TP53BP1: variants seen among roughly 807,000 people sequenced by gnomAD.
TP53BP1 encodes the protein tumor protein p53 binding protein 1.
In TP53BP1, 61 loss-of-function variants were observed where a neutral mutation model predicts 200.8. The ratio of observed to expected loss-of-function variants is 0.30; its 90% CI spans 0.25 to 0.38. The LOEUF is 0.38. Ranked by LOEUF, TP53BP1 falls within the 10% of genes least tolerant of loss-of-function variation. The pLI, the probability that TP53BP1 is intolerant of heterozygous loss-of-function variation, is 1.00. For synonymous variants in TP53BP1, 822 were observed against 844.3 expected, an observed-to-expected ratio of 0.97 and a Z score of 0.46; for missense variants, 2,144 against 2,371.9, an observed-to-expected ratio of 0.90 and a Z score of 2.00.
chr15:43,414,093 G>A, intron 23 of TP53BP1: 2 of 470,154 alleles, frequency 4.3e-6, no homozygotes, highest in South Asian at 3.1e-5. Context: ...AGGCTAAGAT[G>A]ACAGACAGGT....
chr15:43,405,163 A>G lies in TP53BP1; in HGVS notation c.*2220T>C. 6.2e-7 allele frequency: 1 copy of G among 1,613,238 alleles called. No homozygotes were observed. The highest frequency in any genetic ancestry group is 8.5e-7 in the Non-Finnish European group (1 of 1,179,372). Reference sequence around the variant, plus strand: ...TATTTCTTTGAAGGTAGTCTTGGGAAAGCATGACACTTAATAAGGCTCTTT... The same window carrying G: ...TATTTCTTTGAAGGTAGTCTTGGGAGAGCATGACACTTAATAAGGCTCTTT... On this transcript the variant is annotated 3_prime_UTR_variant, in exon 28 of 28. Transcript: ENST00000382044.
At chr15:43,426,429 G>C (rs1434485837) in intron 18 of TP53BP1, among the ~76,000 whole-genome samples, 1 of 113,958 alleles carries the variant, frequency 8.8e-6, no homozygotes. Flanking sequence ...AACAGAGTGA[G>C]ACTCTGTGTC....
intron 14 of TP53BP1, among the ~76,000 whole-genome samples, chr15:43,443,475 T>G (rs1302406762): frequency 6.6e-6 from 1 of 152,140 alleles, no homozygotes; most frequent in Non-Finnish European, 1.5e-5. Flanking sequence ...GAGGATCGCT[T>G]GAGCCCAGGA....
At chr15:43,494,894 C>T (rs1246907676), upstream of TP53BP1, among the ~76,000 whole-genome samples, 1 of 152,126 alleles carries the variant, frequency 6.6e-6, no homozygotes, top group Non-Finnish European at 1.5e-5. Context: ...GTGTGTTTGT[C>T]GAAACATAAA....
Position 43,432,334 on chromosome 15 carries a change from T to A in TP53BP1, c.3535A>T (p.Ile1179Leu), listed in dbSNP as rs3803339. Reference sequence around the variant, plus strand: ...GTCCCCTGCTCACACACATTCTTTATAGTCTGGGTTGCTGCTGAAACAGTT... The same window carrying A: ...GTCCCCTGCTCACACACATTCTTTAAAGTCTGGGTTGCTGCTGAAACAGTT... ...PETVSAATQT[I>L]KNVCEQGTST... is the part of the protein sequence containing the mutation. The change falls in exon 17 of 28, where the codon ATA (isoleucine) becomes TTA (leucine). Residue 1179 changes from isoleucine (I) to leucine (L), a missense_variant. Physicochemically the swap from Ile to Leu is conservative, Grantham distance 5 (BLOSUM62 2). Transcript: ENST00000382044. 16 of 1,614,062 alleles carry A rather than the reference T, an allele frequency of 9.9e-6. No individual in the cohort carries two copies. The highest frequency in any genetic ancestry group is 1.4e-5 in the Non-Finnish European group (16 of 1,180,026).
intron 16 of TP53BP1, among the ~76,000 whole-genome samples, chr15:43,437,089 T>C (rs1224365639): frequency 1.3e-5 from 2 of 151,928 alleles, no homozygotes. Flanking sequence ...AGCCTAGGAA[T>C]TTGGGGCTGC....
chr15:43,433,473 C>A (rs1260429390), intron 16 of TP53BP1, among the ~76,000 whole-genome samples: 1 of 152,174 alleles, frequency 6.6e-6, no homozygotes. Context: ...TCCAAGTCAA[C>A]AGAAATTTGA....
chr15:43,430,893 A>G (rs577790895), intron 17 of TP53BP1, among the ~76,000 whole-genome samples: 1 of 152,286 alleles, frequency 6.6e-6, no homozygotes, highest in South Asian at 2.1e-4. Flanking sequence ...TTTCCTTATT[A>G]AGACCTTTTA....
chr15:43,404,230 T>C lies in TP53BP1; in HGVS notation c.*3153A>G. 1.6e-6 allele frequency: 1 copy of C among 628,026 alleles called. No individual in the cohort carries two copies. The highest frequency in any genetic ancestry group is 2.3e-5 in the South Asian group (1 of 44,252). 38.9% of individuals were successfully genotyped at this position (628,026 alleles called of 1,614,324 possible). Reference sequence around the variant, plus strand: ...GAAAGAGTACTTTCATAGGAAGTCATGCATGTATGGATTTGGTACAAGTCA... The same window carrying C: ...GAAAGAGTACTTTCATAGGAAGTCACGCATGTATGGATTTGGTACAAGTCA... On this transcript the variant is annotated 3_prime_UTR_variant, in exon 28 of 28. Transcript: ENST00000382044.
chr15:43,409,924 A>C (rs1282728512), intron 24 of TP53BP1, among the ~76,000 whole-genome samples, 183 bp from the exon 25 acceptor site: 2 of 152,204 alleles, frequency 1.3e-5, no homozygotes, highest in Non-Finnish European at 2.9e-5. Context: ...AAATGCTGCC[A>C]AAAGAAGGGA....
At chr15:43,464,583 T>A (rs533608609) in intron 11 of TP53BP1, among the ~76,000 whole-genome samples, 2 of 151,996 alleles carry the variant, frequency 1.3e-5, no homozygotes, top group Admixed American at 6.6e-5. Context: ...CTGTGGTATA[T>A]CCACACAATT....
intron 13 of TP53BP1, 158 bp downstream of exon 13, chr15:43,447,208 A>G: frequency 3.0e-6 from 2 of 676,688 alleles, no homozygotes; most frequent in Non-Finnish European, 2.4e-6. Flanking sequence ...ATCTCCTAGT[A>G]GTAAAATCAC....
chr15:43,506,436 A>G (rs1176540735), intron 1 of TP53BP1, among the ~76,000 whole-genome samples: 1 of 152,128 alleles, frequency 6.6e-6, no homozygotes, highest in East Asian at 1.9e-4. Context: ...ACCATTTGAG[A>G]TTTATACTAT....
intron 18 of TP53BP1, among the ~76,000 whole-genome samples, chr15:43,423,908 G>C (rs765582727): frequency 6.6e-6 from 1 of 152,000 alleles, no homozygotes; most frequent in Non-Finnish European, 1.5e-5. Context: ...CCAGGACTCT[G>C]TTTTTATTCC....
intron 4 of TP53BP1, among the ~76,000 whole-genome samples, chr15:43,488,135 C>T (rs1224223842): frequency 6.6e-6 from 1 of 152,004 alleles, no homozygotes; most frequent in Non-Finnish European, 1.5e-5. Context: ...CCCATCTCTA[C>T]AAAAAGTTAA....
chr15:43,452,344 T>C (rs2046190561), intron 12 of TP53BP1, among the ~76,000 whole-genome samples: 1 of 152,076 alleles, frequency 6.6e-6, no homozygotes, highest in Admixed American at 6.6e-5. Flanking sequence ...GGTGGGTGGA[T>C]TGCCTGAATC....
In TP53BP1 at chr15:43,421,108, G is replaced by T; in HGVS notation, c.4167C>A (p.Gly1389=). ...VCEEDGDAGL[G]IRQGGKAPVT... ...CTGGAGCCTTCCCTCCCTGTCTGATGCCAAGGCCTGCATCACCATCCTCCT... is the reference window on the plus strand; with the variant it reads ...CTGGAGCCTTCCCTCCCTGTCTGATTCCAAGGCCTGCATCACCATCCTCCT... Residue 1389 remains glycine, a synonymous_variant, in exon 20 of 28, where the codon GGC becomes GGA. Transcript: ENST00000382044. 6.2e-7 allele frequency: 1 copy of T among 1,614,214 alleles called. No homozygotes were observed.
intron 16 of TP53BP1, among the ~76,000 whole-genome samples, chr15:43,433,397 C>T (rs1312077970): frequency 2.0e-5 from 3 of 152,126 alleles, no homozygotes; most frequent in African/African-American, 7.2e-5. Flanking sequence ...CCACGATTTC[C>T]GAAGTGACTA....
chr15:43,433,584 C>T (rs1411434461), intron 16 of TP53BP1, among the ~76,000 whole-genome samples: 4 of 152,198 alleles, frequency 2.6e-5, no homozygotes, highest in African/African-American at 9.6e-5. Flanking sequence ...ACTGAATGTT[C>T]TCTGAATCAA....
Sources: gnomAD v4.1 joint callset for allele counts (sites outside exome capture counted in the v4.1 genomes callset) on GRCh38, gnomAD v4.1.1 for gene constraint, MANE v1.5 for transcripts, NCBI Gene and HGNC (gene_info 2026-07-23, HGNC 2026-07-21) for gene names.